CP: variants seen among roughly 807,000 people sequenced by gnomAD.
CP encodes the protein caeruloplasmin.
In CP, 64 loss-of-function variants were observed where a neutral mutation model predicts 122.4. The observed-to-expected ratio is 0.52, with a 90% CI of 0.43 to 0.64. The LOEUF (loss-of-function observed/expected upper bound fraction) is 0.64, where lower values mean the gene tolerates loss of function less well. CP is among the 30% of genes least tolerant of loss of function. The probability of loss-of-function intolerance (pLI) is 0.00; values close to 1 mark genes in which losing one functional copy is unlikely to be tolerated. For missense variants in CP, 1,167 were observed against 1,284.4 expected, an observed-to-expected ratio of 0.91 and a Z score of 1.40; for synonymous variants, 440 against 436.4, an observed-to-expected ratio of 1.01 and a Z score of -0.10.
chr3:149,206,744 A>G (rs1285472721), intron 5 of CP, among the ~76,000 whole-genome samples: 1 of 152,134 alleles, frequency 6.6e-6, no homozygotes, highest in Non-Finnish European at 1.5e-5. Flanking sequence ...AGCTTATATT[A>G]TTGCTGTCTT....
chr3:149,216,915 T>A (rs2108311990), intron 1 of CP, among the ~76,000 whole-genome samples: 1 of 151,742 alleles, frequency 6.6e-6, no homozygotes, highest in South Asian at 2.1e-4. Context: ...TTTTTTTTTT[T>A]TTTGAGATGG....
In CP at chr3:149,175,059, A is replaced by G. The variant is rs893990829; in HGVS notation, c.3181+1191T>C. ...GTGTAGGGTTACCCTGTAGTGCCAT[A>G]CTCTGCATGCCAGGCATTTGCACAC... On this transcript the variant is annotated intron_variant, in intron 18 of 18. Coordinates refer to ENST00000264613, the MANE Select transcript of CP (RefSeq NM_000096.4). Among the ~76,000 whole-genome samples, 6 of 151,756 alleles carry G rather than the reference A, an allele frequency of 4.0e-5. No homozygotes were observed. In the South Asian group the frequency reaches 6.3e-4, roughly 16 times the overall value.
intron 6 of CP, among the ~76,000 whole-genome samples, chr3:149,205,794 A>T (rs907559087): frequency 2.0e-5 from 3 of 152,152 alleles, no homozygotes; most frequent in Non-Finnish European, 2.9e-5. Flanking sequence ...ATTTGGGATG[A>T]TAAAAAAAAA....
At chr3:149,178,822 G>T (rs547422558) in intron 15 of CP, among the ~76,000 whole-genome samples, 191 bp from the exon 16 acceptor site, 1 of 152,286 alleles carries the variant, frequency 6.6e-6, no homozygotes, top group South Asian at 2.1e-4. Context: ...TGAGTAGTAG[G>T]TAGGTCATGT....
At chr3:149,212,181 G>GGC (rs1304010739) in intron 2 of CP, among the ~76,000 whole-genome samples, 1 of 151,732 alleles carries the variant, frequency 6.6e-6, no homozygotes, top group African/African-American at 2.4e-5. Context: ...CATGGTAGTG[G>GGC]GCGCCTGTAG....
intron 9 of CP, 115 bp from the exon 10 acceptor site, chr3:149,188,317 T>C: frequency 1.2e-6 from 1 of 868,602 alleles, no homozygotes; most frequent in South Asian, 1.7e-5. Context: ...AACAGAAGTT[T>C]CTGTTGCTCT....
At chr3:149,176,059 A>T (rs939087357) in intron 18 of CP, 191 bp downstream of exon 18, 1 of 598,738 alleles carries the variant, frequency 1.7e-6, no homozygotes, top group Non-Finnish European at 3.0e-6. Context: ...GGCTGTCAGG[A>T]AATGAGCAGT....
At chr3:149,214,262 TGG>T (rs1728306257) in intron 1 of CP, among the ~76,000 whole-genome samples, 1 of 152,020 alleles carries the variant, frequency 6.6e-6, no homozygotes, top group African/African-American at 2.4e-5. Context: ...GCCTGAGTGC[TGG>T]GGCCAGGTAC....
At chr3:149,215,811 G>A (rs1042797090) in intron 1 of CP, among the ~76,000 whole-genome samples, 2 of 151,992 alleles carry the variant, frequency 1.3e-5, no homozygotes, top group Non-Finnish European at 2.9e-5. Context: ...ACTGTAGTAT[G>A]TTCCTTTCTA....
At chr3:149,178,088 T>G in intron 16 of CP, 109 bp from the exon 17 acceptor site, 1 of 1,036,736 alleles carries the variant, frequency 9.6e-7, no homozygotes, top group Non-Finnish European at 1.5e-6. Flanking sequence ...TTTGATGTAA[T>G]AGGACTTATT....
intron 18 of CP, among the ~76,000 whole-genome samples, chr3:149,174,617 G>A (rs1725291869): frequency 6.6e-6 from 1 of 152,146 alleles, no homozygotes; most frequent in Admixed American, 6.5e-5. Context: ...TATTGTATTG[G>A]ATTTGGGTAC....
intron 5 of CP, 102 bp downstream of exon 5, chr3:149,207,261 G>A: frequency 1.4e-6 from 2 of 1,448,968 alleles, no homozygotes; most frequent in Non-Finnish European, 1.9e-6. Flanking sequence ...TAAGATGCCA[G>A]TTCAAAGCTC....
chr3:149,208,427 G>C (rs1012904365), intron 4 of CP, among the ~76,000 whole-genome samples: 2 of 151,958 alleles, frequency 1.3e-5, no homozygotes, highest in African/African-American at 2.4e-5. Context: ...TATGGAAAGA[G>C]GACCTTCCAC....
downstream of CP, among the ~76,000 whole-genome samples, chr3:149,167,530 G>C (rs1030441199): frequency 1.3e-5 from 2 of 152,148 alleles, no homozygotes; most frequent in African/African-American, 4.8e-5. Flanking sequence ...TATTTTCTCT[G>C]CCATACGGTT....
intron 1 of CP, among the ~76,000 whole-genome samples, chr3:149,219,422 T>C (rs1728667067): frequency 6.6e-6 from 1 of 152,218 alleles, no homozygotes; most frequent in Non-Finnish European, 1.5e-5. Flanking sequence ...TGGAGGTAAC[T>C]GAATCATGGA....
intron 9 of CP, among the ~76,000 whole-genome samples, chr3:149,194,042 TG>T (rs1244024770): frequency 6.6e-6 from 1 of 152,142 alleles, no homozygotes; most frequent in Non-Finnish European, 1.5e-5. Flanking sequence ...GTCCACAAAA[TG>T]GGCATAAAAA....
chr3:149,183,148 C>T (rs1250905954), intron 13 of CP, among the ~76,000 whole-genome samples: 1 of 151,852 alleles, frequency 6.6e-6, no homozygotes, highest in Non-Finnish European at 1.5e-5. Flanking sequence ...GAGACTCTGT[C>T]AAAAAACAGA....
intron 4 of CP, among the ~76,000 whole-genome samples, chr3:149,166,364 G>A (rs79429329): frequency 6.6e-6 from 1 of 152,114 alleles, no homozygotes; most frequent in South Asian, 2.1e-4. Context: ...CTACAGGAAG[G>A]GGTGTAAAGA....
At chr3:149,176,465 C>T in intron 17 of CP, 53 bp from the exon 18 acceptor site, 8 of 1,375,872 alleles carry the variant, frequency 5.8e-6, no homozygotes, top group Non-Finnish European at 8.3e-6. Context: ...AGAGTTCACT[C>T]ATGTCATTTG....
Sources: gnomAD v4.1 joint callset for allele counts (sites outside exome capture counted in the v4.1 genomes callset) on GRCh38, gnomAD v4.1.1 for gene constraint, MANE v1.5 for transcripts, NCBI Gene and HGNC (gene_info 2026-07-23, HGNC 2026-07-21) for gene names.